Variants in RBFOX1 observed in about 807,000 individuals in gnomAD.
RBFOX1 encodes RNA binding protein fox-1 homolog 1.
Under a neutral mutation model 57.7 loss-of-function variants are expected in RBFOX1, and 8 were observed. The ratio of observed to expected loss-of-function variants is 0.14; its 90% CI spans 0.08 to 0.25. RBFOX1 has a LOEUF of 0.25. RBFOX1 is among the 10% of genes least tolerant of loss of function. RBFOX1 has a pLI of 1.00. For synonymous variants in RBFOX1, 326 were observed against 222.4 expected (o/e 1.47, Z -4.15); for missense variants, 611 against 548.5 (o/e 1.11, Z -1.14).
At chr16:6,927,396 G>C (rs1297771774) in intron 3 of RBFOX1, among the ~76,000 whole-genome samples, 1 of 103,892 alleles carries the variant, frequency 9.6e-6, no homozygotes, top group African/African-American at 5.1e-5. Context: ...CTGGGCAACA[G>C]AGTGAGACGC....
intron 4 of RBFOX1, among the ~76,000 whole-genome samples, chr16:7,339,114 G>C (rs1219996064): frequency 1.3e-5 from 2 of 152,150 alleles, no homozygotes; most frequent in Non-Finnish European, 1.5e-5. Flanking sequence ...ATAGGCTCTG[G>C]CATTTACTAA....
At chr16:6,805,201 C>T (rs1487764598) in intron 3 of RBFOX1, among the ~76,000 whole-genome samples, 1 of 152,188 alleles carries the variant, frequency 6.6e-6, no homozygotes, top group South Asian at 2.1e-4. Flanking sequence ...CCATGGAATA[C>T]TATGCAGCCA....
chr16:6,711,053 G>C (rs981052977), intron 3 of RBFOX1, among the ~76,000 whole-genome samples: 2 of 152,166 alleles, frequency 1.3e-5, no homozygotes, highest in African/African-American at 2.4e-5. Context: ...TTGTGGTAAG[G>C]ATTGCTTAGG....
At chr16:7,625,360 T>C (rs1300376665) in intron 10 of RBFOX1, among the ~76,000 whole-genome samples, 1 of 152,112 alleles carries the variant, frequency 6.6e-6, no homozygotes, top group Admixed American at 6.5e-5. Flanking sequence ...AAGAGATGGT[T>C]TGGGGGTGGT....
chr16:6,868,118 A>C (rs2060249711), intron 3 of RBFOX1, among the ~76,000 whole-genome samples: 1 of 152,240 alleles, frequency 6.6e-6, no homozygotes. Context: ...AGTACCTGAT[A>C]AATAGTAAAT....
At chr16:7,184,540 G>A (rs1041946735) in intron 4 of RBFOX1, among the ~76,000 whole-genome samples, 1 of 152,226 alleles carries the variant, frequency 6.6e-6, no homozygotes, top group African/African-American at 2.4e-5. Context: ...CCAAGTGATT[G>A]AAGTATGACA....
At chr16:5,855,032 A>G (rs1405484894) in intron 3 of RBFOX1, among the ~76,000 whole-genome samples, 1 of 152,140 alleles carries the variant, frequency 6.6e-6, no homozygotes, top group Non-Finnish European at 1.5e-5. Flanking sequence ...TCTTTGGAAA[A>G]ATGTCTGTTC....
At chr16:7,685,847 C>T (rs931832691) in intron 14 of RBFOX1, among the ~76,000 whole-genome samples, 4 of 151,976 alleles carry the variant, frequency 2.6e-5, no homozygotes, top group African/African-American at 7.3e-5. Flanking sequence ...ATCTTTTATT[C>T]TCATTGGACC....
chr16:6,882,424 A>G (rs1353588459), intron 3 of RBFOX1, among the ~76,000 whole-genome samples: 3 of 151,930 alleles, frequency 2.0e-5, no homozygotes, highest in Non-Finnish European at 2.9e-5. Flanking sequence ...ATGAAACCCC[A>G]TCTTCACTAA....
At chr16:6,809,387 G>T (rs2087832093) in intron 3 of RBFOX1, among the ~76,000 whole-genome samples, 2 of 152,106 alleles carry the variant, frequency 1.3e-5, no homozygotes, top group African/African-American at 4.8e-5. Context: ...CTTTCTAAAG[G>T]TGCATTTTTA....
In RBFOX1 at chr16:5,755,682, T is replaced by C. The variant is rs532797274; in HGVS notation, c.319-111621T>C. Among the ~76,000 whole-genome samples the C allele has an allele frequency of 2.6e-5, 4 of 152,324 alleles. No homozygotes were observed. In the South Asian group the frequency reaches 8.3e-4, roughly 32 times the overall value. On this transcript the variant is annotated intron_variant, in intron 3 of 19. Transcript: ENST00000641259. The stretch of plus-strand genomic sequence containing the variant: ...GGTGCAATTTTGGCTCACTGCAGCC[T>C]CCGCCTACCAGGTTCAAGCGATTCT...
At chr16:7,665,042 T>A in intron 13 of RBFOX1, 74 bp downstream of exon 13, 1 of 1,613,496 alleles carries the variant, frequency 6.2e-7, no homozygotes, top group Non-Finnish European at 8.5e-7. Context: ...TGCTGTGAAT[T>A]TCTCTACTTG....
chr16:6,271,483 T>A (rs76630663), intron 1 of RBFOX1, among the ~76,000 whole-genome samples: 2,234 of 152,070 alleles, frequency 0.015, 47 homozygotes, highest in South Asian at 0.046. Context: ...ATCGATGAAA[T>A]TCAAAACAGT....
intron 1 of RBFOX1, among the ~76,000 whole-genome samples, chr16:6,231,914 C>G (rs1218385590): frequency 2.9e-5 from 4 of 138,136 alleles, no homozygotes; most frequent in African/African-American, 1.1e-4. Context: ...ATAAATACAT[C>G]AAAACAATAG....
At chr16:7,174,357 A>G (rs529617356) in intron 4 of RBFOX1, among the ~76,000 whole-genome samples, 3 of 152,282 alleles carry the variant, frequency 2.0e-5, no homozygotes, top group African/African-American at 7.2e-5. Context: ...GATTTTAACT[A>G]TTATGTAGAA....
chr16:6,748,602 T>G (rs1170747801), intron 3 of RBFOX1, among the ~76,000 whole-genome samples: 1 of 152,138 alleles, frequency 6.6e-6, no homozygotes, highest in Non-Finnish European at 1.5e-5. Flanking sequence ...GAGGCTGTTG[T>G]GAGTTATAAT....
chr16:7,018,856 C>A (rs1019273891), intron 3 of RBFOX1, among the ~76,000 whole-genome samples: 1 of 151,782 alleles, frequency 6.6e-6, no homozygotes, highest in African/African-American at 2.4e-5. Context: ...CAGTGGCTGA[C>A]GACTGTAATC....
chr16:7,140,868 C>G (rs1396974471), intron 4 of RBFOX1, among the ~76,000 whole-genome samples: 4 of 152,194 alleles, frequency 2.6e-5, no homozygotes, highest in Non-Finnish European at 4.4e-5. Context: ...TCATGAAGCT[C>G]TTTTGTGAAA....
intron 2 of RBFOX1, among the ~76,000 whole-genome samples, chr16:6,362,854 G>A (rs1163688494): frequency 1.3e-5 from 2 of 152,190 alleles, no homozygotes; most frequent in East Asian, 1.9e-4. Flanking sequence ...AAGGAAGGTC[G>A]AGGTGTAAAC....
Sources: gnomAD v4.1 joint callset for allele counts (sites outside exome capture counted in the v4.1 genomes callset) on GRCh38, gnomAD v4.1.1 for gene constraint, MANE v1.5 for transcripts, NCBI Gene and HGNC (gene_info 2026-07-23, HGNC 2026-07-21) for gene names.